The following DIAPH2 variants were observed in gnomAD, a reference collection of about 807,000 sequenced individuals.
DIAPH2 encodes diaphanous related formin 2.
Under a neutral mutation model 92.7 loss-of-function variants are expected in DIAPH2, and 35 were observed. That is an observed-to-expected ratio of 0.38 (90% CI 0.29 to 0.50). The LOEUF is 0.50. Ranked by LOEUF, DIAPH2 falls within the 20% of genes least tolerant of loss-of-function variation. The pLI is 0.94. For synonymous variants in DIAPH2, 301 were observed against 280.4 expected, an observed-to-expected ratio of 1.07 and a Z score of -0.73; for missense variants, 701 against 819.5, an observed-to-expected ratio of 0.86 and a Z score of 1.77.
chrX:96,889,385 A>T (rs1317739129), intron 5 of DIAPH2, among the ~76,000 whole-genome samples: 1 of 111,409 alleles, frequency 9.0e-6, no homozygotes, highest in East Asian at 2.8e-4. Flanking sequence ...TCCATTGTGG[A>T]TGATACTTCT....
At chrX:97,194,602 T>A (rs1284608554) in intron 22 of DIAPH2, among the ~76,000 whole-genome samples, 2 of 111,660 alleles carry the variant, frequency 1.8e-5, no homozygotes, top group Non-Finnish European at 3.8e-5. Context: ...TATTTTCAAA[T>A]TGTTGAATTT....
intron 26 of DIAPH2, among the ~76,000 whole-genome samples, chrX:97,515,953 CATATAAA>C (rs1287320007): frequency 1.8e-5 from 2 of 111,436 alleles, no homozygotes. Context: ...TAATAATAAA[CATATAAA>C]ATAAGCCATA....
intron 25 of DIAPH2, among the ~76,000 whole-genome samples, chrX:97,393,754 A>T (rs1200364582): frequency 2.7e-5 from 3 of 112,231 alleles, no homozygotes; most frequent in Non-Finnish European, 5.6e-5. Context: ...GCAAAATCTT[A>T]GAGGAAGCAA....
chrX:97,016,239 T>C (rs899157881), intron 17 of DIAPH2, among the ~76,000 whole-genome samples: 14 of 111,920 alleles, frequency 1.3e-4, no homozygotes, highest in African/African-American at 4.6e-4. Context: ...TTGTGAAAAA[T>C]AGATGTTGGG....
At chrX:97,423,814 AAC>A (rs1341165488) in intron 25 of DIAPH2, among the ~76,000 whole-genome samples, 1 of 112,215 alleles carries the variant, frequency 8.9e-6, no homozygotes, top group South Asian at 3.7e-4. Flanking sequence ...TGTTGTAAAA[AAC>A]ACATTTTTTG....
intron 3 of DIAPH2, among the ~76,000 whole-genome samples, chrX:96,751,359 G>C (rs370770110): frequency 9.2e-6 from 1 of 108,823 alleles, no homozygotes; most frequent in African/African-American, 3.4e-5. Context: ...GGCGGATCAC[G>C]AGGTCAGGAG....
chrX:97,429,904 C>T (rs776571338), intron 26 of DIAPH2, among the ~76,000 whole-genome samples, 159 bp downstream of exon 26: 1 of 111,432 alleles, frequency 9.0e-6, no homozygotes, highest in South Asian at 3.8e-4. Flanking sequence ...CAGGCATCTA[C>T]ATGATTGCAA....
intron 17 of DIAPH2, among the ~76,000 whole-genome samples, chrX:97,035,065 A>G (rs778206220): frequency 4.5e-5 from 5 of 112,002 alleles, no homozygotes; most frequent in African/African-American, 6.5e-5. Flanking sequence ...AGAAATACAC[A>G]AGAGGAAGGA....
chrX:96,948,548 G>A (rs181358302), intron 14 of DIAPH2, among the ~76,000 whole-genome samples: 2 of 112,051 alleles, frequency 1.8e-5, no homozygotes, highest in African/African-American at 6.5e-5. Flanking sequence ...ACTCCAGCCT[G>A]GGTGACACGA....
At chrX:97,056,800 A>T (rs192486763) in intron 17 of DIAPH2, among the ~76,000 whole-genome samples, 30 of 111,841 alleles carry the variant, frequency 2.7e-4, no homozygotes, top group Admixed American at 2.4e-3. Flanking sequence ...TTTGTTTTAA[A>T]CATAGTTCAC....
chrX:97,211,909 T>A (rs1043370012), intron 22 of DIAPH2, among the ~76,000 whole-genome samples: 1 of 111,780 alleles, frequency 8.9e-6, no homozygotes, highest in African/African-American at 3.2e-5. Flanking sequence ...TGCCCTTGTG[T>A]ACAGGGTTAA....
chrX:97,225,758 A>G (rs1384069328), intron 22 of DIAPH2, among the ~76,000 whole-genome samples: 1 of 111,696 alleles, frequency 9.0e-6, no homozygotes, highest in Non-Finnish European at 1.9e-5. Flanking sequence ...CAATTAATGT[A>G]TTTTTAAGAA....
chrX:97,275,852 C>T (rs889970699), intron 23 of DIAPH2, among the ~76,000 whole-genome samples: 4 of 112,037 alleles, frequency 3.6e-5, no homozygotes, highest in East Asian at 2.8e-4. Flanking sequence ...CAGGCAGAGA[C>T]GCTCCTTGCT....
At chrX:97,525,765 G>A (rs939694847) in intron 26 of DIAPH2, among the ~76,000 whole-genome samples, 17 of 111,194 alleles carry the variant, frequency 1.5e-4, no homozygotes, top group African/African-American at 5.6e-4. Flanking sequence ...AACACAAAAG[G>A]GCAGTAATAT....
intron 21 of DIAPH2, among the ~76,000 whole-genome samples, chrX:97,138,395 G>C (rs1034309426): frequency 1.8e-4 from 20 of 111,715 alleles, no homozygotes; most frequent in African/African-American, 6.5e-4. Context: ...ATCAAAATCA[G>C]CTGTAGAAAC....
rs192929282 is a variant in DIAPH2, at chrX:96,716,479, C to T, written c.133-19279C>T. Among the ~76,000 whole-genome samples the T allele has an allele frequency of 5.4e-4, 60 of 111,625 alleles. No homozygotes were observed. The East Asian group carries it at 0.011, about 20-fold the overall frequency. On this transcript the variant is annotated intron_variant, in intron 1 of 26. Coordinates refer to ENST00000324765, the MANE Select transcript of DIAPH2 (RefSeq NM_006729.5). The stretch of plus-strand genomic sequence containing the variant: ...TCTTATGTATTGTTTATTTCAGCAG[C>T]TTTATTATTTAAATATAATTGACAT...
At chrX:97,185,463 A>ATGTG (rs2067589201) in intron 22 of DIAPH2, among the ~76,000 whole-genome samples, 3 of 30,164 alleles carry the variant, frequency 9.9e-5, no homozygotes, top group Admixed American at 6.0e-4. Context: ...GTGTATATAT[A>ATGTG]TATATATACA....
intron 26 of DIAPH2, among the ~76,000 whole-genome samples, chrX:97,444,105 G>A (rs1166228217): frequency 9.0e-6 from 1 of 111,720 alleles, no homozygotes; most frequent in Non-Finnish European, 1.9e-5. Context: ...CTACGTAATA[G>A]TATGTAAGAC....
At chrX:97,246,954 TAAA>T (rs946995131) in intron 22 of DIAPH2, among the ~76,000 whole-genome samples, 90 of 110,590 alleles carry the variant, frequency 8.1e-4, no homozygotes, top group African/African-American at 2.9e-3. Context: ...AGTTGAAAGT[TAAA>T]AAAAAATTAC....
Sources: gnomAD v4.1 joint callset for allele counts (sites outside exome capture counted in the v4.1 genomes callset) on GRCh38, gnomAD v4.1.1 for gene constraint, MANE v1.5 for transcripts, NCBI Gene and HGNC (gene_info 2026-07-23, HGNC 2026-07-21) for gene names.